The following SPTBN4 variants were observed in gnomAD, a reference collection of about 807,000 sequenced individuals.
The protein encoded by SPTBN4 is spectrin beta chain, non-erythrocytic 4.
Under a neutral mutation model 277.8 loss-of-function variants are expected in SPTBN4, and 96 were observed. That is an observed-to-expected ratio of 0.35 (90% CI 0.29 to 0.41). The LOEUF (loss-of-function observed/expected upper bound fraction) is 0.41. Among genes scored for constraint, SPTBN4 ranks in the 10% least tolerant of loss-of-function variants. The probability of loss-of-function intolerance (pLI) is 1.00; values close to 1 mark genes in which losing one functional copy is unlikely to be tolerated. For missense variants in SPTBN4, 3,006 were observed against 3,595.7 expected (o/e 0.84, Z 4.19); for synonymous variants, 1,481 against 1,580.3 (o/e 0.94, Z 1.49).
intron 6 of SPTBN4, among the ~76,000 whole-genome samples, chr19:40,497,153 A>G (rs73048187): frequency 0.068 from 10,235 of 151,560 alleles, 417 homozygotes; most frequent in South Asian, 0.096. Context: ...GTATTGTCAT[A>G]TGATTTCACA....
At position 40,519,773 on chromosome 19, in the gene SPTBN4, C is replaced by T; in HGVS notation, c.3276C>T (p.Arg1092=). The T allele has an allele frequency of 1.4e-6, 2 of 1,415,202 alleles. No individual in the cohort carries two copies. The highest frequency in any genetic ancestry group is 3.0e-5 in the East Asian group (1 of 33,854). 87.7% of individuals were successfully genotyped at this position (1,415,202 alleles called of 1,614,324 possible). The change falls in exon 16 of 36, where the codon CGC becomes CGT. Residue 1092 remains arginine (R), a synonymous_variant. Coordinates refer to ENST00000598249, the MANE Select transcript of SPTBN4 (RefSeq NM_020971.3). This position sits in a 1 kb window ranked among gnomAD's most constrained non-coding sequence, Gnocchi z 5.7. ...TGGCGGCAGCAGGGCGCCTGCAGCGCTTCCTACATGACCTCGACGCTTTCC... is the reference window on the plus strand; with the variant it reads ...TGGCGGCAGCAGGGCGCCTGCAGCGTTTCCTACATGACCTCGACGCTTTCC... ...EAVAAAGRLQ[R]FLHDLDAFLD...
chr19:40,493,913 T>A (rs2080165905), intron 5 of SPTBN4, among the ~76,000 whole-genome samples: 1 of 152,208 alleles, frequency 6.6e-6, no homozygotes. Flanking sequence ...GGACCCTCAG[T>A]GCTATGTCCA....
chr19:40,481,189 G>GT (rs929949685), intron 2 of SPTBN4, among the ~76,000 whole-genome samples: 26 of 152,264 alleles, frequency 1.7e-4, no homozygotes, highest in African/African-American at 6.3e-4. Context: ...CAATCATAGA[G>GT]TAAGGGTATA....
chr19:40,481,211 A>G (rs929307941), intron 2 of SPTBN4, among the ~76,000 whole-genome samples: 1 of 152,154 alleles, frequency 6.6e-6, no homozygotes, highest in Non-Finnish European at 1.5e-5. Flanking sequence ...ATTTTATTTT[A>G]CATATATATG....
chr19:40,569,806 C>G, intron 32 of SPTBN4, 80 bp downstream of exon 32: 7 of 1,394,370 alleles, frequency 5.0e-6, no homozygotes, highest in Non-Finnish European at 5.8e-6. Flanking sequence ...ACAGCCAGTG[C>G]CTAGCCCTGG....
chr19:40,487,485 A>G (rs574794437), intron 2 of SPTBN4, among the ~76,000 whole-genome samples: 1 of 150,528 alleles, frequency 6.6e-6, no homozygotes, highest in East Asian at 2.0e-4. Context: ...AGCTGGGATT[A>G]TGGGCGCCCG....
rs1022044724 is a variant in SPTBN4, at chr19:40,494,792, C to T, written c.588-105C>T. The T allele has an allele frequency of 1.1e-5, 11 of 963,616 alleles. 1 individual carries two copies. The South Asian group carries it at 1.7e-4, about 15-fold the overall frequency. The allele number at this position is 963,616 out of a possible 1,614,324, so 59.7% of individuals were successfully genotyped here. ...CATCTTTCTATGTTCTACCCCCTCT[C>T]TCTCATCTTCCTTCCCTATCATTCG... On this transcript the variant is annotated intron_variant, in intron 5 of 35. Coordinates refer to ENST00000598249, the MANE Select transcript of SPTBN4 (RefSeq NM_020971.3).
At chr19:40,570,340 T>A in intron 32 of SPTBN4, 96 bp from the exon 33 acceptor site, 1 of 732,128 alleles carries the variant, frequency 1.4e-6, no homozygotes, top group South Asian at 2.4e-5. Flanking sequence ...AATGGCCCTG[T>A]AGACAGATGG....
Position 40,554,380 on chromosome 19 carries a change from G to C in SPTBN4, c.4908G>C (p.Trp1636Cys). 1 of 1,588,624 alleles carries C rather than the reference G, an allele frequency of 6.3e-7. No homozygotes were observed. Among genetic ancestry groups the C allele is most frequent in the Non-Finnish European group, 8.5e-7 (1 of 1,171,408 alleles). Residue 1636 changes from tryptophan to cysteine, a missense_variant, in exon 23 of 36, where the codon TGG (tryptophan) becomes TGC (cysteine). By Grantham distance (215) the Trp-to-Cys change is radical. Transcript: ENST00000598249. The surrounding 1 kb of genome is among the most constrained non-coding windows in gnomAD (Gnocchi z 5.7). The stretch of plus-strand genomic sequence containing the variant: ...TCGACGTGGCTGAGGTGGAGGCGTG[G>C]CTGGGCGAGCAGGAGCTGCTCATGA... The part of the protein sequence containing the change: ...YYFDVAEVEA[W>C]LGEQELLMMS...
In SPTBN4 at chr19:40,567,649, C is replaced by G. The variant is rs1213319892; in HGVS notation, c.6337-14C>G. ...CCCACGCCTCCAACCTAACCCTGGT[C>G]CCTCCATCCTCAGATCGAGAAAATC... On this transcript the variant is annotated splice_polypyrimidine_tract_variant and intron_variant, in intron 30 of 35. Transcript: ENST00000598249. 7.0e-7 allele frequency: 1 copy of G among 1,435,256 alleles called. No homozygotes were observed. The highest frequency in any genetic ancestry group is 1.5e-5 in the African/African-American group (1 of 66,692). The allele number at this position is 1,435,256 out of a possible 1,614,324, so 88.9% of individuals were successfully genotyped here.
At chr19:40,505,431 C>T (rs1463133675) in intron 12 of SPTBN4, among the ~76,000 whole-genome samples, 4 of 150,360 alleles carry the variant, frequency 2.7e-5, no homozygotes, top group South Asian at 2.1e-4. Flanking sequence ...GTGGCTCACA[C>T]CTGTAATCCC....
In SPTBN4 at chr19:40,471,507, C is replaced by A. The variant is rs139202449; in HGVS notation, c.-15-1100C>A. On this transcript the variant is annotated intron_variant, in intron 1 of 35. Coordinates refer to ENST00000598249, the MANE Select transcript of SPTBN4 (RefSeq NM_020971.3). ...AATAACAGTGACAATTTGCTGAGCC[C>A]TTAATATGTGCCAGGGGCTAAGCCA... 3.3e-3 allele frequency among the ~76,000 whole-genome samples: 500 copies of A among 152,274 alleles called. 6 individuals are homozygous for A. Among genetic ancestry groups the A allele is most frequent in the African/African-American group, 0.011 (473 of 41,544 alleles).
chr19:40,473,857 T>A (rs1408218225), intron 2 of SPTBN4, among the ~76,000 whole-genome samples: 1 of 151,628 alleles, frequency 6.6e-6, no homozygotes, highest in Admixed American at 6.6e-5. Flanking sequence ...AATGAAGACC[T>A]CTGGCCTGGC....
intron 5 of SPTBN4, among the ~76,000 whole-genome samples, 164 bp from the exon 6 acceptor site, chr19:40,494,733 C>A (rs546791706): frequency 1.3e-5 from 2 of 152,216 alleles, no homozygotes; most frequent in South Asian, 4.1e-4. Flanking sequence ...CTACCTATCT[C>A]TCTCTCTACC....
chr19:40,529,192 C>G (rs1322053476), intron 18 of SPTBN4, 61 bp downstream of exon 18: 1 of 1,510,150 alleles, frequency 6.6e-7, no homozygotes, highest in Non-Finnish European at 9.2e-7. Context: ...GGAAGTGCTT[C>G]TCGGCCGAGG....
chr19:40,567,267 C>T (rs967726680), intron 30 of SPTBN4: 3 of 248,544 alleles, frequency 1.2e-5, no homozygotes, highest in African/African-American at 6.9e-5. Context: ...TGCTTGCACT[C>T]CAGCCTGGGC....
intron 13 of SPTBN4, among the ~76,000 whole-genome samples, chr19:40,506,670 G>A (rs966430807): frequency 1.3e-5 from 2 of 152,074 alleles, no homozygotes; most frequent in Non-Finnish European, 2.9e-5. Flanking sequence ...TGATCTCAAC[G>A]AATACCATTT....
At chr19:40,566,999 G>T in intron 30 of SPTBN4, 2 of 268,056 alleles carry the variant, frequency 7.5e-6, no homozygotes, top group Non-Finnish European at 7.9e-6. Flanking sequence ...AAAAAAAACC[G>T]CTTAAAGGCT....
chr19:40,469,995 T>C (rs1170027171), intron 1 of SPTBN4, among the ~76,000 whole-genome samples: 6 of 150,734 alleles, frequency 4.0e-5, no homozygotes. Context: ...TTATTTTCAT[T>C]TAATTTAATT....
Sources: allele counts gnomAD v4.1 joint callset (sites outside exome capture counted in the v4.1 genomes callset), GRCh38; gene constraint gnomAD v4.1.1; non-coding constraint Gnocchi (gnomAD v3.1); transcripts MANE v1.5; gene names NCBI Gene and HGNC (gene_info 2026-07-23, HGNC 2026-07-21).